The following STK33 variants were observed in gnomAD, a reference collection of about 807,000 sequenced individuals.
STK33 encodes serine/threonine-protein kinase 33.
In STK33, 52 loss-of-function variants were observed where a neutral mutation model predicts 58.0. That is an observed-to-expected ratio of 0.90 (90% CI 0.72 to 1.13). The LOEUF (loss-of-function observed/expected upper bound fraction) is 1.13, where lower values mean the gene tolerates loss of function less well. STK33 is among the 50% of genes most tolerant of loss of function. The pLI is 0.00. For missense variants in STK33, 630 were observed against 604.2 expected (o/e 1.04, Z -0.45); for synonymous variants, 215 against 200.1 (o/e 1.07, Z -0.63).
At chr11:8,336,296 G>C in the STK33 span, among the ~76,000 whole-genome samples, 1 of 152,268 alleles carries the variant, frequency 6.6e-6, no homozygotes, top group East Asian at 1.9e-4. Context: ...TGTGGGCTGG[G>C]GGTTAGAGTT....
At chr11:8,406,898 C>T (rs565486649) in intron 15 of STK33, among the ~76,000 whole-genome samples, 1 of 151,950 alleles carries the variant, frequency 6.6e-6, no homozygotes, top group African/African-American at 2.4e-5. Context: ...GAGAGAACAT[C>T]GTTCCTTGCC....
At chr11:8,378,099 T>G in the STK33 span, among the ~76,000 whole-genome samples, 167 of 152,308 alleles carry the variant, frequency 1.1e-3, no homozygotes, top group African/African-American at 3.8e-3. Context: ...GAAAGAGGTT[T>G]AATTGACTCA....
chr11:8,367,716 G>C, the STK33 span, among the ~76,000 whole-genome samples: 1 of 152,226 alleles, frequency 6.6e-6, no homozygotes, highest in Non-Finnish European at 1.5e-5. Context: ...CTATTTTACA[G>C]ATGAGGAAAA....
rs563237150 is a variant in STK33, at chr11:8,506,201, T to C, written c.-465-25587A>G. ...ATAATAATCTAATCTTTTTTCCATA[T>C]GATAACCTTTTAAATAGTGAAGATC... On this transcript the variant is annotated intron_variant, in intron 1 of 15. Coordinates refer to ENST00000687296, the MANE Select transcript of STK33 (RefSeq NM_001352389.2). 6.6e-5 allele frequency among the ~76,000 whole-genome samples: 10 copies of C among 152,330 alleles called. No individual in the cohort carries two copies. In the South Asian group the frequency reaches 2.1e-3, roughly 32 times the overall value.
At chr11:8,448,857 T>C (rs2136765585) in intron 11 of STK33, among the ~76,000 whole-genome samples, 1 of 152,056 alleles carries the variant, frequency 6.6e-6, no homozygotes, top group East Asian at 1.9e-4. Flanking sequence ...ACCTACGGAA[T>C]GGGAGAAAAT....
intron 15 of STK33, among the ~76,000 whole-genome samples, chr11:8,412,604 C>T (rs1301026588): frequency 1.3e-5 from 2 of 152,192 alleles, no homozygotes; most frequent in African/African-American, 4.8e-5. Flanking sequence ...CTGGCAGTCC[C>T]TCTCTGCACT....
intron 1 of STK33, among the ~76,000 whole-genome samples, chr11:8,531,247 A>C (rs1003247524): frequency 6.6e-6 from 1 of 152,260 alleles, no homozygotes; most frequent in Non-Finnish European, 1.5e-5. Flanking sequence ...ATAAATGATT[A>C]GGAGTATAAA....
In STK33 at chr11:8,582,904, A is replaced by T. The variant is rs555996765; in HGVS notation, c.-466+11179T>A. Among the ~76,000 whole-genome samples the T allele has an allele frequency of 4.6e-5, 7 of 152,312 alleles. No homozygotes were observed. In the South Asian group the frequency reaches 1.5e-3, roughly 32 times the overall value. ...TGGAGAAGCAACCACAGAATCTAGA[A>T]ATTACAAAGAATATCTGAGGACATC... is the stretch of plus-strand genomic sequence containing the variant. On this transcript the variant is annotated intron_variant, in intron 1 of 15. Transcript: ENST00000687296.
chr11:8,390,110 CTGATG>C (rs1554892079), downstream of STK33, among the ~76,000 whole-genome samples: 1 of 152,200 alleles, frequency 6.6e-6, no homozygotes, highest in Non-Finnish European at 1.5e-5. Flanking sequence ...CCTTCCTTCT[CTGATG>C]TAAGGCCTTC....
At chr11:8,464,634 G>A (rs760565511) in intron 7 of STK33, 75 bp downstream of exon 7, 1 of 1,027,844 alleles carries the variant, frequency 9.7e-7, no homozygotes, top group Non-Finnish European at 1.5e-6. Flanking sequence ...TTGTGTTAGT[G>A]TAAAAAGCTG....
At chr11:8,419,788 C>T (rs1301777903) in intron 14 of STK33, among the ~76,000 whole-genome samples, 3 of 151,818 alleles carry the variant, frequency 2.0e-5, no homozygotes, top group African/African-American at 4.8e-5. Flanking sequence ...ATAATATGAA[C>T]CCATTTGTGT....
chr11:8,399,237 T>A (rs886440278), intron 15 of STK33, among the ~76,000 whole-genome samples: 3 of 152,010 alleles, frequency 2.0e-5, no homozygotes. Flanking sequence ...CCTCAGCAAA[T>A]GTAAAAGAAA....
intron 1 of STK33, among the ~76,000 whole-genome samples, chr11:8,574,490 C>T (rs908330717): frequency 6.6e-6 from 1 of 152,084 alleles, no homozygotes. Flanking sequence ...TTAGTTAAAA[C>T]TTTTCAACCA....
intron 1 of STK33, among the ~76,000 whole-genome samples, chr11:8,499,476 C>G (rs1388377580): frequency 2.0e-5 from 3 of 152,138 alleles, no homozygotes; most frequent in Admixed American, 6.5e-5. Context: ...GTTGGTGGGA[C>G]TGTAAATTAG....
chr11:8,473,696 C>A (rs193070489), intron 5 of STK33, among the ~76,000 whole-genome samples: 1 of 152,272 alleles, frequency 6.6e-6, no homozygotes, highest in African/African-American at 2.4e-5. Flanking sequence ...AGTAACAACT[C>A]ACTCAGATAC....
intron 4 of STK33, among the ~76,000 whole-genome samples, chr11:8,476,351 T>C (rs796714263): frequency 9.2e-5 from 14 of 152,300 alleles, no homozygotes; most frequent in Admixed American, 3.3e-4. Flanking sequence ...ATCTAAAAGA[T>C]AGAAAAACAT....
chr11:8,415,733 T>C (rs1482441401), intron 14 of STK33, among the ~76,000 whole-genome samples: 1 of 152,134 alleles, frequency 6.6e-6, no homozygotes, highest in Admixed American at 6.6e-5. Context: ...GTGACTTTAT[T>C]GTAAAACCAT....
chr11:8,335,677 T>A, the STK33 span, among the ~76,000 whole-genome samples: 1 of 149,382 alleles, frequency 6.7e-6, no homozygotes, highest in South Asian at 2.1e-4. Context: ...TTTCCAGGAG[T>A]CACATTTAAA....
chr11:8,337,527 T>A, the STK33 span, among the ~76,000 whole-genome samples: 1 of 150,598 alleles, frequency 6.6e-6, no homozygotes, highest in Non-Finnish European at 1.5e-5. Context: ...GCACTTTCTG[T>A]GGAGGAGCCA....
Sources: allele counts gnomAD v4.1 joint callset (sites outside exome capture counted in the v4.1 genomes callset), GRCh38; gene constraint gnomAD v4.1.1; transcripts MANE v1.5; gene names NCBI Gene and HGNC (gene_info 2026-07-23, HGNC 2026-07-21).